Variants in NIPAL3 observed in about 807,000 individuals in gnomAD.
NIPAL3 encodes the protein NIPA-like protein 3.
Under a neutral mutation model 47.2 loss-of-function variants are expected in NIPAL3, and 41 were observed. That is an observed-to-expected ratio of 0.87 (90% CI 0.68 to 1.13). The LOEUF (loss-of-function observed/expected upper bound fraction) is 1.13. Among genes scored for constraint, NIPAL3 ranks in the 50% most tolerant of loss-of-function variants. The pLI is 0.00. For synonymous variants in NIPAL3, 194 were observed against 209.6 expected (o/e 0.93, Z 0.64); for missense variants, 449 against 530.1 (o/e 0.85, Z 1.50).
chr1:24,462,459 C>T (rs187392695), intron 10 of NIPAL3, among the ~76,000 whole-genome samples: 55 of 152,270 alleles, frequency 3.6e-4, no homozygotes, highest in Non-Finnish European at 3.1e-4. Context: ...ATGGGTTCTA[C>T]GCAACAATTA....
intron 10 of NIPAL3, among the ~76,000 whole-genome samples, chr1:24,461,370 C>T (rs1397134209): frequency 6.6e-6 from 1 of 151,644 alleles, no homozygotes; most frequent in Non-Finnish European, 1.5e-5. Context: ...GGAGAAACCC[C>T]GTCTGTACTA....
chr1:24,460,078 G>A (rs188512800), intron 9 of NIPAL3, among the ~76,000 whole-genome samples: 2 of 152,336 alleles, frequency 1.3e-5, no homozygotes, highest in Admixed American at 1.3e-4. Context: ...AGATGGAGGG[G>A]AGATGACTGC....
chr1:24,452,321 A>G (rs11249115), intron 6 of NIPAL3, among the ~76,000 whole-genome samples: 39,323 of 152,154 alleles, frequency 0.26, 5,511 homozygotes, highest in East Asian at 0.48. Flanking sequence ...CTAGCAGGAA[A>G]GTGCATGGGC....
At position 24,449,733 on chromosome 1, in the gene NIPAL3, A is replaced by C; in HGVS notation, c.540+107A>C. ...AATAGGGGATTCCGTGAGTTGCGGCACATTTTACCAGCATGAAAGACCGTG... is the reference window on the plus strand; with the variant it reads ...AATAGGGGATTCCGTGAGTTGCGGCCCATTTTACCAGCATGAAAGACCGTG... On this transcript the variant is annotated intron_variant, in intron 6 of 11. Transcript: ENST00000374399. This position sits in a 1 kb window ranked among gnomAD's most constrained non-coding sequence, Gnocchi z 4.5. 8.2e-7 allele frequency: 1 copy of C among 1,219,816 alleles called. No homozygotes were observed. The highest frequency in any genetic ancestry group is 1.1e-6 in the Non-Finnish European group (1 of 885,030). 75.6% of individuals were successfully genotyped at this position (1,219,816 alleles called of 1,614,324 possible).
Position 24,419,639 on chromosome 1 carries a change from A to C in NIPAL3, c.92A>C (p.Lys31Thr). 5 of 1,613,552 alleles carry C rather than the reference A, an allele frequency of 3.1e-6. No individual in the cohort carries two copies. Among genetic ancestry groups the C allele is most frequent in the Non-Finnish European group, 3.4e-6 (4 of 1,179,626 alleles). Residue 31 changes from lysine (K) to threonine (T), a missense_variant and splice_region_variant, in exon 2 of 12, where the codon AAG (lysine) becomes ACG (threonine). Lys to Thr is a moderately conservative substitution (Grantham distance 78). Coordinates refer to ENST00000374399, the MANE Select transcript of NIPAL3 (RefSeq NM_020448.5). Reference sequence around the variant, plus strand: ...GTAAGCGAGGCCTCCTTCTCCTACAAGGCAAGGGCTTTTTTGGGGTTTGGG... The same window carrying C: ...GTAAGCGAGGCCTCCTTCTCCTACACGGCAAGGGCTTTTTTGGGGTTTGGG... ...SAVSEASFSYKENLIGALLAI... is the reference protein window; with the variant it reads ...SAVSEASFSYTENLIGALLAI...
At chr1:24,433,539 G>A (rs776543251) in intron 2 of NIPAL3, among the ~76,000 whole-genome samples, 2 of 152,176 alleles carry the variant, frequency 1.3e-5, no homozygotes, top group Non-Finnish European at 2.9e-5. Context: ...AGTAGTTCAG[G>A]TCTTGTGCCC....
intron 10 of NIPAL3, among the ~76,000 whole-genome samples, chr1:24,461,378 C>T (rs966945974): frequency 6.6e-6 from 1 of 151,534 alleles, no homozygotes; most frequent in Non-Finnish European, 1.5e-5. Context: ...CCCGTCTGTA[C>T]TAAAAATACA....
At chr1:24,452,987 C>A (rs927216916) in intron 6 of NIPAL3, among the ~76,000 whole-genome samples, 11 of 151,800 alleles carry the variant, frequency 7.2e-5, no homozygotes, top group Admixed American at 5.9e-4. Context: ...CAGGTGTGAG[C>A]CACCGTGCCT....
chr1:24,415,922 C>G lies in NIPAL3; in HGVS notation c.-258+18C>G. The G allele has an allele frequency of 5.1e-6, 5 of 984,678 alleles. No individual in the cohort carries two copies. The highest frequency in any genetic ancestry group is 6.0e-6 in the Non-Finnish European group (5 of 829,250). The allele number at this position is 984,678 out of a possible 1,614,324, so 61.0% of individuals were successfully genotyped here. On this transcript the variant is annotated intron_variant, in intron 1 of 11. Coordinates refer to ENST00000374399, the MANE Select transcript of NIPAL3 (RefSeq NM_020448.5). ...CGCCGCCGGTGAGTAGTGATTAACA[C>G]CGGGAGGAAGGGGAATTGAATTTAA...
At chr1:24,455,396 A>G (rs1468631966) in intron 7 of NIPAL3, among the ~76,000 whole-genome samples, 1 of 152,270 alleles carries the variant, frequency 6.6e-6, no homozygotes, top group East Asian at 1.9e-4. Context: ...TACAAATTTT[A>G]TAACATGCCT....
In NIPAL3 at chr1:24,416,271, C is replaced by T; in HGVS notation, c.-258+367C>T. 1.0e-6 allele frequency: 1 copy of T among 985,452 alleles called. No individual in the cohort carries two copies. Among genetic ancestry groups the T allele is most frequent in the Non-Finnish European group, 1.2e-6 (1 of 829,968 alleles). 61.0% of individuals were successfully genotyped at this position (985,452 alleles called of 1,614,324 possible). A position where few individuals can be genotyped will look rare whatever the true frequency, so the allele number is the denominator to read the frequency against. On this transcript the variant is annotated intron_variant, in intron 1 of 11. Transcript: ENST00000374399. This position sits in a 1 kb window ranked among gnomAD's most constrained non-coding sequence, Gnocchi z 4.8. ...AGGCGTTCTTGGTCTAAGCCCGCTT[C>T]TGGAACAGAGGTGCTGTCTCCTCGA...
chr1:24,416,598 G>GACC lies in NIPAL3; in HGVS notation c.-258+694_-258+695insACC, dbSNP rs1280945908. The GACC allele has an allele frequency of 6.5e-6, 1 of 152,832 alleles. No individual in the cohort carries two copies. The highest frequency in any genetic ancestry group is 1.9e-4 in the East Asian group (1 of 5,204). The allele number at this position is 152,832 out of a possible 1,614,324, so 9.5% of individuals were successfully genotyped here. The stretch of plus-strand genomic sequence containing the variant: ...CTAGTGAATTCTCATTCCTTCCTTG[G>GACC]GTCAGTGACCACGTGCTCTAATTGT... On this transcript the variant is annotated intron_variant, in intron 1 of 11. Transcript: ENST00000374399. The surrounding 1 kb of genome is among the most constrained non-coding windows in gnomAD (Gnocchi z 4.8).
Position 24,441,947 on chromosome 1 carries a change from A to G in NIPAL3, c.163-108A>G. On this transcript the variant is annotated intron_variant, in intron 3 of 11. Coordinates refer to ENST00000374399, the MANE Select transcript of NIPAL3 (RefSeq NM_020448.5). ...AGTCAGGACTCCACAAGAACCTGAC[A>G]AGTCTTCCCAATTTATTTGCAAGTT... The G allele has an allele frequency of 2.6e-6, 3 of 1,146,742 alleles. No individual in the cohort carries two copies. In the South Asian group the frequency reaches 4.4e-5, roughly 17 times the overall value. The allele number at this position is 1,146,742 out of a possible 1,614,324, so 71.0% of individuals were successfully genotyped here.
intron 5 of NIPAL3, among the ~76,000 whole-genome samples, chr1:24,446,069 C>CTGTGTGTGTGTGTGTGTGT (rs58526442): frequency 2.0e-5 from 3 of 147,840 alleles, no homozygotes; most frequent in Non-Finnish European, 3.0e-5. Flanking sequence ...AGATTATAGT[C>CTGTGTGTGTGTGTGTGTGT]GTGTGTGTGT....
Position 24,419,672 on chromosome 1 carries a change from A to G in NIPAL3, c.93+32A>G, listed in dbSNP as rs775179228. 1.9e-6 allele frequency: 3 copies of G among 1,595,084 alleles called. No homozygotes were observed. In the East Asian group the frequency reaches 6.7e-5, roughly 36 times the overall value. ...GCTTTTTTGGGGTTTGGGAATTTGT[A>G]TTTTCCTAGCAAGGAAGTTACACAG... On this transcript the variant is annotated intron_variant, in intron 2 of 11. Coordinates refer to ENST00000374399, the MANE Select transcript of NIPAL3 (RefSeq NM_020448.5).
At chr1:24,427,496 G>A (rs1241155049) in intron 2 of NIPAL3, among the ~76,000 whole-genome samples, 5 of 152,206 alleles carry the variant, frequency 3.3e-5, no homozygotes, top group African/African-American at 1.2e-4. Context: ...CATATGTTAT[G>A]GAAATGGCTT....
In NIPAL3 at chr1:24,435,500, C is replaced by A. The variant is rs138678210; in HGVS notation, c.94-4672C>A. On this transcript the variant is annotated intron_variant, in intron 2 of 11. Coordinates refer to ENST00000374399, the MANE Select transcript of NIPAL3 (RefSeq NM_020448.5). ...TTCTTAGTGATTGTGCTGAGGATGA[C>A]AATTAACACCTTAATTTATAACAAT... Among the ~76,000 whole-genome samples, 317 of 152,252 alleles carry A rather than the reference C, an allele frequency of 2.1e-3. 6 individuals are homozygous for A. Among genetic ancestry groups the A allele is most frequent in the Admixed American group, 0.016 (241 of 15,294 alleles).
At chr1:24,444,847 CCT>C (rs1343032950) in intron 4 of NIPAL3, among the ~76,000 whole-genome samples, 8 of 152,146 alleles carry the variant, frequency 5.3e-5, no homozygotes, top group Non-Finnish European at 1.0e-4. Flanking sequence ...GGGCCCTTTA[CCT>C]CTCTCAGCTT....
At chr1:24,455,639 C>T (rs1371691513) in intron 7 of NIPAL3, among the ~76,000 whole-genome samples, 3 of 151,716 alleles carry the variant, frequency 2.0e-5, no homozygotes, top group African/African-American at 4.8e-5. Context: ...GGCAATATAG[C>T]GAGACCCTGT....
Sources: gnomAD v4.1 joint callset for allele counts (sites outside exome capture counted in the v4.1 genomes callset) on GRCh38, gnomAD v4.1.1 for gene constraint, Gnocchi (gnomAD v3.1) non-coding constraint, MANE v1.5 for transcripts, NCBI Gene and HGNC (gene_info 2026-07-23, HGNC 2026-07-21) for gene names.